GTF2IRD1: variants seen among roughly 807,000 people sequenced by gnomAD.
GTF2IRD1 encodes general transcription factor II-I repeat domain-containing protein 1.
Under a neutral mutation model 113.2 loss-of-function variants are expected in GTF2IRD1, and 26 were observed. That is an observed-to-expected ratio of 0.23 (90% CI 0.17 to 0.32). The LOEUF (loss-of-function observed/expected upper bound fraction) is 0.32, where lower values mean the gene tolerates loss of function less well. Ranked by LOEUF, GTF2IRD1 falls within the 10% of genes least tolerant of loss-of-function variation. The pLI is 1.00. For synonymous variants in GTF2IRD1, 484 were observed against 529.1 expected (o/e 0.91, Z 1.17); for missense variants, 864 against 1,280.8 (o/e 0.67, Z 4.97).
At chr7:74,562,555 CTTTTTTTTTTTT>C (rs1167468655) in intron 22 of GTF2IRD1, among the ~76,000 whole-genome samples, 53 of 62,704 alleles carry the variant, frequency 8.5e-4, no homozygotes, top group South Asian at 1.4e-3. Context: ...CAATTGCCCT[CTTTTTTTTTTTT>C]TTTTTTTTTT....
chr7:74,526,683 G>A (rs934613315), intron 8 of GTF2IRD1, among the ~76,000 whole-genome samples: 2 of 152,012 alleles, frequency 1.3e-5, no homozygotes, highest in Non-Finnish European at 2.9e-5. Context: ...AATCTCCCCA[G>A]TGCTGAAAAG....
chr7:74,461,254 T>C (rs1584444562), intron 1 of GTF2IRD1, among the ~76,000 whole-genome samples: 1 of 152,064 alleles, frequency 6.6e-6, no homozygotes, highest in African/African-American at 2.4e-5. Flanking sequence ...GGCTGCATGG[T>C]TGGGGAGGGT....
At chr7:74,472,618 G>A (rs375078148) in intron 1 of GTF2IRD1, among the ~76,000 whole-genome samples, 150 of 152,282 alleles carry the variant, frequency 9.9e-4, no homozygotes, top group African/African-American at 3.4e-3. Context: ...CAGGCATGGC[G>A]GGGGGTGCCT....
chr7:74,484,548 C>T (rs1554335241), intron 1 of GTF2IRD1, among the ~76,000 whole-genome samples: 1 of 151,654 alleles, frequency 6.6e-6, no homozygotes. Flanking sequence ...AACCTCCACC[C>T]TCCGGGTTCA....
chr7:74,506,694 C>A (rs1054909356), intron 1 of GTF2IRD1: 1 of 152,112 alleles, frequency 6.6e-6, no homozygotes, highest in Non-Finnish European at 1.5e-5. Flanking sequence ...ACTGGGGCAG[C>A]CTGTGGGTGC....
intron 22 of GTF2IRD1, among the ~76,000 whole-genome samples, chr7:74,567,814 C>A (rs1554361140): frequency 6.6e-6 from 1 of 152,050 alleles, no homozygotes; most frequent in African/African-American, 2.4e-5. Flanking sequence ...GGGACAGAGT[C>A]TCGCTCTATT....
Position 74,538,169 on chromosome 7 carries a change from G to C in GTF2IRD1, c.1443G>C (p.Gly481=). Residue 481 remains glycine (G), a synonymous_variant, in exon 12 of 27, where the codon GGG becomes GGC. Coordinates refer to ENST00000424337, the MANE Select transcript of GTF2IRD1 (RefSeq NM_005685.4). ...SDKGSMSEDC[G]PGTSGELGGL... The stretch of plus-strand genomic sequence containing the variant: ...AGGGCAGCATGTCTGAAGACTGTGG[G>C]CCAGGTGAGAAGGAACAGGGCCCGC... 1 of 1,612,556 alleles carries C rather than the reference G, an allele frequency of 6.2e-7. No individual in the cohort carries two copies. Among genetic ancestry groups the C allele is most frequent in the Non-Finnish European group, 8.5e-7 (1 of 1,179,830 alleles).
chr7:74,532,522 C>A (rs1447558301), intron 9 of GTF2IRD1, among the ~76,000 whole-genome samples: 1 of 152,172 alleles, frequency 6.6e-6, no homozygotes, highest in Non-Finnish European at 1.5e-5. Flanking sequence ...CCACTGCACT[C>A]CAGCCTGGGC....
At chr7:74,574,074 C>T (rs1800851996) in intron 22 of GTF2IRD1, among the ~76,000 whole-genome samples, 1 of 151,982 alleles carries the variant, frequency 6.6e-6, no homozygotes, top group Admixed American at 6.6e-5. Context: ...ACCTCCGCCT[C>T]CCGGGTTCAA....
At chr7:74,498,266 G>T in intron 1 of GTF2IRD1, among the ~76,000 whole-genome samples, 1 of 152,076 alleles carries the variant, frequency 6.6e-6, no homozygotes, top group East Asian at 1.9e-4. Flanking sequence ...GCCTCCCAAA[G>T]TGCTGGGATT....
chr7:74,473,021 GCA>G (rs1794197373), intron 1 of GTF2IRD1, among the ~76,000 whole-genome samples: 1 of 152,210 alleles, frequency 6.6e-6, no homozygotes. Context: ...GTGAAGGCTG[GCA>G]AGTGGTTGAT....
chr7:74,515,706 G>A (rs781984399), intron 4 of GTF2IRD1, 110 bp downstream of exon 4: 32 of 882,824 alleles, frequency 3.6e-5, no homozygotes, highest in Middle Eastern at 3.6e-4. Flanking sequence ...GGGCAAAGCC[G>A]GACCCCAAGG....
chr7:74,566,346 G>A (rs1240816704), intron 22 of GTF2IRD1, among the ~76,000 whole-genome samples: 2 of 150,930 alleles, frequency 1.3e-5, no homozygotes, highest in African/African-American at 4.9e-5. Context: ...TAACACTCAC[G>A]TCACACTTTT....
chr7:74,526,586 C>T (rs1215761825), intron 8 of GTF2IRD1, among the ~76,000 whole-genome samples: 1 of 152,120 alleles, frequency 6.6e-6, no homozygotes, highest in Non-Finnish European at 1.5e-5. Flanking sequence ...GGTGAGGGGC[C>T]GAGGAGGGTG....
intron 3 of GTF2IRD1, among the ~76,000 whole-genome samples, chr7:74,513,422 C>T (rs961760183): frequency 6.6e-6 from 1 of 152,220 alleles, no homozygotes; most frequent in Non-Finnish European, 1.5e-5. Flanking sequence ...TCTCCTGCCT[C>T]AGCTTCCCGA....
chr7:74,600,924 C>T (rs1284726673), intron 25 of GTF2IRD1, 120 bp from the exon 26 acceptor site: 27 of 1,062,730 alleles, frequency 2.5e-5, no homozygotes, highest in Middle Eastern at 4.8e-4. Flanking sequence ...GGATCAGGAG[C>T]CTGAAATCCT....
intron 17 of GTF2IRD1, among the ~76,000 whole-genome samples, chr7:74,548,937 A>T (rs1554354109): frequency 1.3e-5 from 2 of 151,540 alleles, no homozygotes. Context: ...GAATGGGAGG[A>T]TCATATTTCC....
chr7:74,555,576 G>C lies in GTF2IRD1; in HGVS notation c.2023+82G>C. 2 of 904,506 alleles carry C rather than the reference G, an allele frequency of 2.2e-6. No individual in the cohort carries two copies. Among genetic ancestry groups the C allele is most frequent in the Non-Finnish European group, 1.8e-6 (1 of 553,726 alleles). 56.0% of individuals were successfully genotyped at this position (904,506 alleles called of 1,614,324 possible). A position where few individuals can be genotyped will look rare whatever the true frequency, so the allele number is the denominator to read the frequency against. On this transcript the variant is annotated intron_variant, in intron 19 of 26. Coordinates refer to ENST00000424337, the MANE Select transcript of GTF2IRD1 (RefSeq NM_005685.4). This position sits in a 1 kb window ranked among gnomAD's most constrained non-coding sequence, Gnocchi z 5.3. ...TTGGGTTTGGAGGGCCAGGCTGGAA[G>C]TGGGGAGGAGCTGGCCCCCAACTTC...
intron 8 of GTF2IRD1, among the ~76,000 whole-genome samples, chr7:74,526,847 G>A (rs1420089481): frequency 1.3e-5 from 2 of 152,196 alleles, no homozygotes; most frequent in Non-Finnish European, 2.9e-5. Context: ...AGATTTCGAA[G>A]GTTTCATTTG....
Sources: allele counts gnomAD v4.1 joint callset (sites outside exome capture counted in the v4.1 genomes callset), GRCh38; gene constraint gnomAD v4.1.1; non-coding constraint Gnocchi (gnomAD v3.1); transcripts MANE v1.5; gene names NCBI Gene and HGNC (gene_info 2026-07-23, HGNC 2026-07-21).